ODAD1: variants seen among roughly 807,000 people sequenced by gnomAD.
ODAD1 encodes the protein outer dynein arm docking complex subunit 1.
A neutral mutation model predicts 67.2 loss-of-function variants in ODAD1; 49 were observed. That is an observed-to-expected ratio of 0.73 (90% CI 0.58 to 0.92). The LOEUF is 0.92. Ranked by LOEUF, ODAD1 falls within the 40% of genes least tolerant of loss-of-function variation. ODAD1 has a pLI of 0.00. For missense variants in ODAD1, 897 were observed against 953.7 expected, an observed-to-expected ratio of 0.94 and a Z score of 0.78; for synonymous variants, 345 against 393.7, an observed-to-expected ratio of 0.88 and a Z score of 1.46.
rs74413005 is a variant in ODAD1, at chr19:48,297,470, C to T, written c.1630G>A (p.Ala544Thr). The T allele has an allele frequency of 3.4e-4, 545 of 1,600,394 alleles. 8 individuals carry two copies. In the East Asian group the frequency reaches 0.01, roughly 30 times the overall value. The change falls in exon 16 of 16, where the codon GCC (alanine) becomes ACC (threonine). Residue 544 changes from alanine (A) to threonine (T), a missense_variant. Coordinates refer to ENST00000674294, the MANE Select transcript of ODAD1 (RefSeq NM_001364171.2). The stretch of plus-strand genomic sequence containing the variant: ...GTGCCGTCCAGCTTCGCGGCGGCGG[C>T]GGCCAGGTCCTTCTGGCGCTGCGCC... ...AEAQRQKDLA[A>T]AAAKLDGTLS...
At chr19:48,306,908 C>T (rs966522891) in intron 7 of ODAD1, among the ~76,000 whole-genome samples, 18 of 151,458 alleles carry the variant, frequency 1.2e-4, no homozygotes, top group Non-Finnish European at 2.5e-4. Flanking sequence ...TAGGGCCAGG[C>T]GCGGTGGCTC....
rs1385153783 is a variant in ODAD1 at position 48,321,803 on chromosome 19, G to T, written c.-189C>A. 1 of 398,558 alleles carries T rather than the reference G, an allele frequency of 2.5e-6. No homozygotes were observed. The highest frequency in any genetic ancestry group is 4.4e-6 in the Non-Finnish European group (1 of 226,094). The allele number at this position is 398,558 out of a possible 1,614,324, so 24.7% of individuals were successfully genotyped here. A position where few individuals can be genotyped will look rare whatever the true frequency, so the allele number is the denominator to read the frequency against. On this transcript the variant is annotated 5_prime_UTR_variant, in exon 1 of 16. Transcript: ENST00000674294. Reference sequence around the variant, plus strand: ...CCGGTCTTAAGCTGACTGTGACCACGTTAAATTAAGGATTCATAGGAAGGA... The same window carrying T: ...CCGGTCTTAAGCTGACTGTGACCACTTTAAATTAAGGATTCATAGGAAGGA...
intron 3 of ODAD1, chr19:48,320,068 G>A (rs1371918322): frequency 9.3e-7 from 1 of 1,073,600 alleles, no homozygotes; most frequent in South Asian, 2.2e-5. Context: ...CCTACAGGGA[G>A]TTCTGGGCCC....
intron 7 of ODAD1, among the ~76,000 whole-genome samples, chr19:48,308,532 T>A (rs977919180): frequency 6.6e-6 from 1 of 152,020 alleles, no homozygotes; most frequent in Non-Finnish European, 1.5e-5. Flanking sequence ...AATGACAGAG[T>A]CTTTTAAATT....
intron 2 of ODAD1, 32 bp from the exon 3 acceptor site, chr19:48,320,423 C>T (rs1448926392): frequency 8.2e-6 from 10 of 1,213,074 alleles, no homozygotes; most frequent in Non-Finnish European, 1.1e-5. Context: ...ACCCTTCAGA[C>T]AGCAGGCGGG....
intron 12 of ODAD1, among the ~76,000 whole-genome samples, chr19:48,299,659 T>G (rs1185024224): frequency 6.7e-6 from 1 of 150,246 alleles, no homozygotes. Context: ...AAAAATTAGC[T>G]GGGTGTGGTG....
rs1968333045 is a variant in ODAD1 at position 48,297,574 on chromosome 19, C to A, written c.1581+16G>T. On this transcript the variant is annotated intron_variant, in intron 15 of 15. Transcript: ENST00000674294. ...ACACTGAGGCCTGGCCCCACCCCCG[C>A]AGGCCCCACTCTCACCAGCTTCTCC... 6.3e-7 allele frequency: 1 copy of A among 1,575,474 alleles called. No individual in the cohort carries two copies. Among genetic ancestry groups the A allele is most frequent in the Admixed American group, 1.9e-5 (1 of 53,512 alleles).
At chr19:48,308,321 TGC>T (rs1968670750) in intron 7 of ODAD1, among the ~76,000 whole-genome samples, 1 of 152,066 alleles carries the variant, frequency 6.6e-6, no homozygotes, top group Admixed American at 6.6e-5. Flanking sequence ...ATTACAGGCG[TGC>T]ACCACCACAC....
At chr19:48,308,610 G>C (rs1968679382) in intron 7 of ODAD1, among the ~76,000 whole-genome samples, 1 of 152,224 alleles carries the variant, frequency 6.6e-6, no homozygotes. Flanking sequence ...AAAATTGATG[G>C]CAGTAGCTGC....
chr19:48,311,681 G>T lies in ODAD1; in HGVS notation c.484-15C>A, dbSNP rs1003030648. 1.6e-5 allele frequency: 24 copies of T among 1,465,552 alleles called. No individual in the cohort carries two copies. Among genetic ancestry groups the T allele is most frequent in the African/African-American group, 5.6e-5 (4 of 71,338 alleles). 90.8% of individuals were successfully genotyped at this position (1,465,552 alleles called of 1,614,324 possible). ...TGACAGGTGACCTGGGAGTAGAAAG[G>T]TGGATGGAAGAGTGGGTCTGAAGCC... On this transcript the variant is annotated splice_polypyrimidine_tract_variant and intron_variant, in intron 6 of 15. Coordinates refer to ENST00000674294, the MANE Select transcript of ODAD1 (RefSeq NM_001364171.2).
intron 5 of ODAD1, among the ~76,000 whole-genome samples, chr19:48,314,047 A>G (rs1463688865): frequency 6.6e-6 from 1 of 152,130 alleles, no homozygotes; most frequent in Non-Finnish European, 1.5e-5. Context: ...GTTCGAGACC[A>G]GCCTGGCCAA....
chr19:48,302,947 G>A, intron 11 of ODAD1, 66 bp downstream of exon 11: 1 of 1,589,370 alleles, frequency 6.3e-7, no homozygotes, highest in Non-Finnish European at 8.6e-7. Context: ...GAGGCAGGCT[G>A]AGGGAGGGAA....
At chr19:48,316,433 G>A (rs558315351) in intron 5 of ODAD1, among the ~76,000 whole-genome samples, 1 of 151,914 alleles carries the variant, frequency 6.6e-6, no homozygotes, top group East Asian at 1.9e-4. Flanking sequence ...AAAGTAGTGT[G>A]CCATTCCACA....
At chr19:48,320,254 G>A (rs1480754499) in intron 3 of ODAD1, 45 bp downstream of exon 3, 1 of 1,170,402 alleles carries the variant, frequency 8.5e-7, no homozygotes, top group Non-Finnish European at 1.1e-6. Context: ...GAAAGCTGGG[G>A]GCTGGAAAAG....
chr19:48,318,164 G>T (rs748900008), intron 5 of ODAD1, among the ~76,000 whole-genome samples: 7 of 152,038 alleles, frequency 4.6e-5, no homozygotes, highest in Non-Finnish European at 1.0e-4. Flanking sequence ...GCTAATTTTT[G>T]TATTTTTTGT....
At chr19:48,303,484 C>A (rs929500999) in intron 10 of ODAD1, 166 bp downstream of exon 10, 1 of 765,918 alleles carries the variant, frequency 1.3e-6, no homozygotes, top group East Asian at 2.7e-5. Flanking sequence ...GAGACAGGGC[C>A]ACGGTAAGAC....
intron 7 of ODAD1, among the ~76,000 whole-genome samples, chr19:48,310,703 A>G (rs912110326): frequency 8.5e-5 from 13 of 152,246 alleles, no homozygotes; most frequent in African/African-American, 3.1e-4. Context: ...AATGTGGCAA[A>G]TTATCAAACT....
chr19:48,319,455 C>T, intron 3 of ODAD1: 1 of 985,282 alleles, frequency 1.0e-6, no homozygotes, highest in Non-Finnish European at 1.2e-6. Flanking sequence ...TGCCCGTATG[C>T]TCCCCATCTC....
intron 5 of ODAD1, among the ~76,000 whole-genome samples, chr19:48,316,931 G>T (rs573964381): frequency 1.3e-5 from 2 of 152,136 alleles, no homozygotes; most frequent in East Asian, 3.9e-4. Flanking sequence ...CCTGGGAGGT[G>T]GAGGTTGCAG....
Sources: allele counts gnomAD v4.1 joint callset (sites outside exome capture counted in the v4.1 genomes callset), GRCh38; gene constraint gnomAD v4.1.1; transcripts MANE v1.5; gene names NCBI Gene and HGNC (gene_info 2026-07-23, HGNC 2026-07-21).